Variants in CPHXL2 observed in about 807,000 individuals in gnomAD.
The protein encoded by CPHXL2 is cytoplasmic polyadenylated homeobox like 2, also known as cytoplasmic polyadenylated homeobox-like protein 2.
At chr16:75,665,464 C>G in the CPHXL2 span, among the ~76,000 whole-genome samples, 81 of 152,304 alleles carry the variant, frequency 5.3e-4, no homozygotes, top group African/African-American at 1.9e-3. Context: ...AGCCACACTA[C>G]GAGAACTGCT....
the CPHXL2 span, among the ~76,000 whole-genome samples, chr16:75,670,621 G>A: frequency 2.0e-5 from 3 of 151,952 alleles, no homozygotes; most frequent in Non-Finnish European, 4.4e-5. Context: ...CGATTCTTGC[G>A]CCTCAGCCTC....
At chr16:75,671,568 A>G in the CPHXL2 span, among the ~76,000 whole-genome samples, 5 of 152,178 alleles carry the variant, frequency 3.3e-5, no homozygotes, top group African/African-American at 1.2e-4. Context: ...CTTTTAGTCT[A>G]TCTTATTTAC....
chr16:75,667,713 T>C, the CPHXL2 span, among the ~76,000 whole-genome samples: 4 of 152,242 alleles, frequency 2.6e-5, no homozygotes, highest in Admixed American at 2.6e-4. Context: ...TATCTTCTAC[T>C]AAGTGCCCTC....
At chr16:75,664,655 A>G in the CPHXL2 span, among the ~76,000 whole-genome samples, 8 of 145,922 alleles carry the variant, frequency 5.5e-5, no homozygotes, top group African/African-American at 2.1e-4. Flanking sequence ...AAGAAAGAAA[A>G]ACAAACAAAA....
At chr16:75,672,628 C>T in the CPHXL2 span, among the ~76,000 whole-genome samples, 1 of 152,148 alleles carries the variant, frequency 6.6e-6, no homozygotes, top group Non-Finnish European at 1.5e-5. Context: ...AGTAGGACTA[C>T]AGGCTTGCAA....
At chr16:75,674,093 G>C in the CPHXL2 span, among the ~76,000 whole-genome samples, 4 of 147,972 alleles carry the variant, frequency 2.7e-5, no homozygotes, top group Non-Finnish European at 6.0e-5. Context: ...CTGTACTTTG[G>C]CTGGGGGTGG....
the CPHXL2 span, among the ~76,000 whole-genome samples, chr16:75,664,541 C>T: frequency 6.9e-6 from 1 of 144,944 alleles, no homozygotes; most frequent in East Asian, 2.1e-4. Context: ...AGGAGAATTG[C>T]TTGAACTGGG....
chr16:75,671,946 C>T, the CPHXL2 span, among the ~76,000 whole-genome samples: 4 of 151,854 alleles, frequency 2.6e-5, no homozygotes, highest in African/African-American at 7.3e-5. Flanking sequence ...TAGAATGGGG[C>T]GAGCCATGCT....
chr16:75,675,798 G>C, the CPHXL2 span, among the ~76,000 whole-genome samples: 1 of 152,210 alleles, frequency 6.6e-6, no homozygotes, highest in Non-Finnish European at 1.5e-5. Flanking sequence ...TACAAAACAG[G>C]CCAGGCATGG....
chr16:75,675,315 C>A, the CPHXL2 span, among the ~76,000 whole-genome samples: 1 of 151,312 alleles, frequency 6.6e-6, no homozygotes, highest in African/African-American at 2.4e-5. Flanking sequence ...CCACCGTGCC[C>A]AGTACATTGA....
the CPHXL2 span, among the ~76,000 whole-genome samples, chr16:75,667,235 C>G: frequency 6.6e-6 from 1 of 150,800 alleles, no homozygotes; most frequent in Non-Finnish European, 1.5e-5. Flanking sequence ...TTGCTTGAAC[C>G]CGGGAGGTGG....
the CPHXL2 span, among the ~76,000 whole-genome samples, chr16:75,662,230 C>G: frequency 1.3e-5 from 2 of 151,568 alleles, no homozygotes; most frequent in African/African-American, 2.4e-5. Context: ...GGGTGCAGAG[C>G]TTTCATGCCC....
At chr16:75,665,429 A>G in the CPHXL2 span, among the ~76,000 whole-genome samples, 1 of 152,350 alleles carries the variant, frequency 6.6e-6, no homozygotes, top group East Asian at 1.9e-4. Flanking sequence ...AGACAAACAA[A>G]TGCTGAGATA....
the CPHXL2 span, among the ~76,000 whole-genome samples, chr16:75,662,300 A>ACTCATTAGTGTAGAAAAAGACAT: frequency 6.7e-6 from 1 of 150,088 alleles, no homozygotes; most frequent in Non-Finnish European, 1.5e-5. Context: ...AAGCTCCCCA[A>ACTCATTAGTGTAGAAAAAGACAT]ACCCACTTTT....
the CPHXL2 span, among the ~76,000 whole-genome samples, chr16:75,674,440 A>G: frequency 6.6e-6 from 1 of 151,900 alleles, no homozygotes; most frequent in African/African-American, 2.4e-5. Flanking sequence ...GAATAAAATT[A>G]AAGTAGACCT....
chr16:75,671,431 T>C, the CPHXL2 span, among the ~76,000 whole-genome samples: 1 of 152,182 alleles, frequency 6.6e-6, no homozygotes, highest in Non-Finnish European at 1.5e-5. Context: ...TCCTACTGTT[T>C]TTAGTTCCTT....
At chr16:75,669,505 T>G in the CPHXL2 span, 3 of 399,514 alleles carry the variant, frequency 7.5e-6, no homozygotes. Context: ...TGTTTTTCTT[T>G]TTTTCTTTGT....
chr16:75,673,269 T>C, the CPHXL2 span, among the ~76,000 whole-genome samples: 1 of 151,572 alleles, frequency 6.6e-6, no homozygotes, highest in Non-Finnish European at 1.5e-5. Context: ...ACCTCTTCTC[T>C]ACGAAAAATA....
chr16:75,669,816 T>C, the CPHXL2 span, among the ~76,000 whole-genome samples: 6 of 152,262 alleles, frequency 3.9e-5, no homozygotes, highest in Admixed American at 2.0e-4. Context: ...CTTTTACTTA[T>C]GTCTTGTCTA....
Sources: gnomAD v4.1 joint callset for allele counts (sites outside exome capture counted in the v4.1 genomes callset) on GRCh38, gnomAD v4.1.1 for gene constraint, MANE v1.5 for transcripts, NCBI Gene and HGNC (gene_info 2026-07-23, HGNC 2026-07-21) for gene names.